ZBTB40: variants seen among roughly 807,000 people sequenced by gnomAD.
ZBTB40 encodes zinc finger and BTB domain-containing protein 40.
In ZBTB40, 60 loss-of-function variants were observed where a neutral mutation model predicts 117.5. The ratio of observed to expected loss-of-function variants is 0.51; its 90% CI spans 0.41 to 0.63. ZBTB40 has a LOEUF of 0.63. Among genes scored for constraint, ZBTB40 ranks in the 30% least tolerant of loss-of-function variants. The probability of loss-of-function intolerance (pLI) is 0.00; values close to 1 mark genes in which losing one functional copy is unlikely to be tolerated. For synonymous variants in ZBTB40, 525 were observed against 577.1 expected (o/e 0.91, Z 1.29); for missense variants, 1,287 against 1,498.5 (o/e 0.86, Z 2.33).
Position 22,499,388 on chromosome 1 carries a change from A to G in ZBTB40, c.832-2104A>G, listed in dbSNP as rs149611716. ...TCTTAGAAGCAAGTCACGAGGTTCA[A>G]TCCAACAGCATGAATACCCAGAGTC... On this transcript the variant is annotated intron_variant, in intron 3 of 17. Coordinates refer to ENST00000375647, the MANE Select transcript of ZBTB40 (RefSeq NM_014870.4). 8.2e-3 allele frequency among the ~76,000 whole-genome samples: 1,247 copies of G among 152,336 alleles called. 6 individuals are homozygous for G. The highest frequency in any genetic ancestry group is 0.013 in the Non-Finnish European group (914 of 68,026).
Position 22,462,511 on chromosome 1 carries a change from C to A in ZBTB40, c.-70+10507C>A, listed in dbSNP as rs534216623. On this transcript the variant is annotated intron_variant, in intron 1 of 17. Coordinates refer to ENST00000375647, the MANE Select transcript of ZBTB40 (RefSeq NM_014870.4). ...CTCAAACGCATTCTTCTTCCCTTTT[C>A]CAAAATGTTGTCGTCTTTACGTTCC... 9.8e-5 allele frequency among the ~76,000 whole-genome samples: 15 copies of A among 152,316 alleles called. No individual in the cohort carries two copies. The South Asian group carries it at 3.1e-3, about 32-fold the overall frequency.
chr1:22,433,453 A>AAAAAAAAAAAAAAAAAAAAAAAAAAAC (rs1640627399), intron 1 of ZBTB40, among the ~76,000 whole-genome samples: 1 of 142,152 alleles, frequency 7.0e-6, no homozygotes, highest in Non-Finnish European at 1.5e-5. Context: ...AAAAAAAAAA[A>AAAAAAAAAAAAAAAAAAAAAAAAAAAC]AAAAGACAGC....
At chr1:22,491,357 A>G in intron 2 of ZBTB40, 43 bp from the exon 3 acceptor site, 1 of 1,608,466 alleles carries the variant, frequency 6.2e-7, no homozygotes, top group Non-Finnish European at 8.5e-7. Context: ...AATTTATTTC[A>G]AGTAATGAAT....
At position 22,530,677 on chromosome 1, in the gene ZBTB40, T is replaced by C. The variant is rs748168082; in HGVS notation, c.*4281T>C. The stretch of plus-strand genomic sequence containing the variant: ...TGCACTAATCTATATAAATAAAATA[T>C]GTACTTTGAAAAAAATTAGGCTACA... On this transcript the variant is annotated 3_prime_UTR_variant, in exon 18 of 18. Coordinates refer to ENST00000375647, the MANE Select transcript of ZBTB40 (RefSeq NM_014870.4). 13 of 152,416 alleles carry C rather than the reference T, an allele frequency of 8.5e-5. No homozygotes were observed. The South Asian group carries it at 2.5e-3, about 29-fold the overall frequency. The allele number at this position is 152,416 out of a possible 1,614,324, so 9.4% of individuals were successfully genotyped here.
chr1:22,526,181 C>CTG, intron 17 of ZBTB40, 21 bp from the exon 18 acceptor site: 1 of 1,614,018 alleles, frequency 6.2e-7, no homozygotes, highest in Non-Finnish European at 8.5e-7. Flanking sequence ...CCAGAGCAGC[C>CTG]TCACGGTCTT....
intron 9 of ZBTB40, 113 bp downstream of exon 9, chr1:22,509,346 T>A: frequency 6.8e-7 from 1 of 1,470,780 alleles, no homozygotes; most frequent in Non-Finnish European, 9.4e-7. Context: ...TCCTTCTTTT[T>A]TTTTCCTTTT....
chr1:22,502,171 C>A, intron 4 of ZBTB40, 128 bp from the exon 5 acceptor site: 1 of 1,067,836 alleles, frequency 9.4e-7, no homozygotes, highest in Non-Finnish European at 1.4e-6. Context: ...AGCGATTCTG[C>A]ATTCAGGTGC....
At chr1:22,453,435 T>C (rs1457561043) in intron 1 of ZBTB40, among the ~76,000 whole-genome samples, 1 of 152,204 alleles carries the variant, frequency 6.6e-6, no homozygotes, top group Non-Finnish European at 1.5e-5. Flanking sequence ...AAGACAAATA[T>C]GATTTCTGCC....
chr1:22,448,115 G>A (rs757503474), upstream of ZBTB40, among the ~76,000 whole-genome samples: 1 of 152,152 alleles, frequency 6.6e-6, no homozygotes, highest in Non-Finnish European at 1.5e-5. Context: ...GGAATGTGGA[G>A]AGAAGACAGC....
Position 22,451,856 on chromosome 1 carries a change from C to T in ZBTB40, c.-218C>T, listed in dbSNP as rs967061740. 2 of 152,248 alleles carry T rather than the reference C, an allele frequency of 1.3e-5. No individual in the cohort carries two copies. The highest frequency in any genetic ancestry group is 2.4e-5 in the African/African-American group (1 of 41,432). The allele number at this position is 152,248 out of a possible 1,614,324, so 9.4% of individuals were successfully genotyped here. A position where few individuals can be genotyped will look rare whatever the true frequency, so the allele number is the denominator to read the frequency against. On this transcript the variant is annotated 5_prime_UTR_variant, in exon 1 of 18. Transcript: ENST00000375647. ...CGGGCCGCCCCCTCCCCTCTGATACCCATTGCGCGCCGGCCTCAAGATGGC... is the reference window on the plus strand; with the variant it reads ...CGGGCCGCCCCCTCCCCTCTGATACTCATTGCGCGCCGGCCTCAAGATGGC...
intron 1 of ZBTB40, among the ~76,000 whole-genome samples, chr1:22,440,157 T>C (rs1640714666): frequency 1.3e-5 from 2 of 152,228 alleles, no homozygotes; most frequent in Admixed American, 1.3e-4. Context: ...CTGATTTTTG[T>C]GTGTTGACTT....
intron 1 of ZBTB40, among the ~76,000 whole-genome samples, chr1:22,483,618 A>T (rs1042541523): frequency 1.3e-5 from 2 of 152,010 alleles, no homozygotes; most frequent in African/African-American, 2.4e-5. Flanking sequence ...GTCTTCTGCT[A>T]TTTTTTAATT....
At chr1:22,498,403 C>T (rs1011359016) in intron 3 of ZBTB40, among the ~76,000 whole-genome samples, 2 of 152,172 alleles carry the variant, frequency 1.3e-5, no homozygotes, top group African/African-American at 2.4e-5. Context: ...CACTGCGGAG[C>T]CCTAGGCAGC....
chr1:22,527,116 T>C lies in ZBTB40; in HGVS notation c.*720T>C, dbSNP rs370877892. 9.1e-5 allele frequency: 14 copies of C among 153,492 alleles called. No individual in the cohort carries two copies. Among genetic ancestry groups the C allele is most frequent in the African/African-American group, 3.4e-4 (14 of 41,596 alleles). The allele number at this position is 153,492 out of a possible 1,614,324, so 9.5% of individuals were successfully genotyped here. On this transcript the variant is annotated 3_prime_UTR_variant, in exon 18 of 18. Transcript: ENST00000375647. Reference sequence around the variant, plus strand: ...ATGTGAGGCATCAGCTGCTAGACAGTGTCTGCCTTTCCAGGACATTCTTCT... The same window carrying C: ...ATGTGAGGCATCAGCTGCTAGACAGCGTCTGCCTTTCCAGGACATTCTTCT...
At chr1:22,441,729 C>T (rs1297373105) in intron 1 of ZBTB40, among the ~76,000 whole-genome samples, 1 of 152,028 alleles carries the variant, frequency 6.6e-6, no homozygotes, top group Non-Finnish European at 1.5e-5. Flanking sequence ...ATGATCTGCC[C>T]ACCTCACCCT....
At chr1:22,500,965 TA>T (rs1234283436) in intron 3 of ZBTB40, among the ~76,000 whole-genome samples, 1 of 152,194 alleles carries the variant, frequency 6.6e-6, no homozygotes, top group South Asian at 2.1e-4. Context: ...GACAGTTCAT[TA>T]AATTTAAATT....
In ZBTB40 at chr1:22,517,158, C is replaced by A. The variant is rs1019329468; in HGVS notation, c.2669-142C>A. ...TGTGATGAGACGGCTCAGATCTCAC[C>A]CAGCGTATTGCAGACTGCCTGATGT... On this transcript the variant is annotated intron_variant, in intron 12 of 17. Coordinates refer to ENST00000375647, the MANE Select transcript of ZBTB40 (RefSeq NM_014870.4). The A allele has an allele frequency of 5.1e-6, 6 of 1,171,972 alleles. No homozygotes were observed. The African/African-American group carries it at 6.0e-5, about 12-fold the overall frequency. The allele number at this position is 1,171,972 out of a possible 1,614,324, so 72.6% of individuals were successfully genotyped here.
intron 5 of ZBTB40, among the ~76,000 whole-genome samples, chr1:22,503,632 A>C (rs1178237248): frequency 2.0e-5 from 3 of 146,506 alleles, no homozygotes; most frequent in Non-Finnish European, 4.6e-5. Context: ...CACACACACA[A>C]TGGAAACAAC....
intron 1 of ZBTB40, among the ~76,000 whole-genome samples, chr1:22,484,444 A>G (rs1306125035): frequency 1.3e-5 from 2 of 152,100 alleles, no homozygotes; most frequent in Non-Finnish European, 2.9e-5. Context: ...TTCAAATTCT[A>G]CCTTATTGCT....
Sources: allele counts gnomAD v4.1 joint callset (sites outside exome capture counted in the v4.1 genomes callset), GRCh38; gene constraint gnomAD v4.1.1; transcripts MANE v1.5; gene names NCBI Gene and HGNC (gene_info 2026-07-23, HGNC 2026-07-21).